USP53: variants seen among roughly 807,000 people sequenced by gnomAD.
USP53 encodes the protein ubiquitin carboxyl-terminal hydrolase 53.
USP53 carries 71 observed loss-of-function variants against 94.9 expected under a neutral mutation model. That is an observed-to-expected ratio of 0.75 (90% CI 0.62 to 0.91). The LOEUF (loss-of-function observed/expected upper bound fraction) is 0.91, where lower values mean the gene tolerates loss of function less well. Ranked by LOEUF, USP53 falls within the 40% of genes least tolerant of loss-of-function variation. The pLI is 0.00. For synonymous variants in USP53, 375 were observed against 422.7 expected (o/e 0.89, Z 1.39); for missense variants, 1,173 against 1,281.0 (o/e 0.92, Z 1.29).
At chr4:119,272,622 G>C (rs1752013726) in intron 16 of USP53, 1 of 152,394 alleles carries the variant, frequency 6.6e-6, no homozygotes, top group Admixed American at 6.5e-5. Flanking sequence ...GGCTACTCTT[G>C]AACTCCCAAC....
chr4:119,269,424 G>A (rs1751571854), intron 14 of USP53, among the ~76,000 whole-genome samples: 1 of 152,056 alleles, frequency 6.6e-6, no homozygotes, highest in South Asian at 2.1e-4. Flanking sequence ...GTTACCTTTA[G>A]CTCTTATTAT....
At position 119,256,112 on chromosome 4, in the gene USP53, G is replaced by A. The variant is rs1749733670; in HGVS notation, c.373-134G>A. 6.5e-6 allele frequency: 4 copies of A among 611,082 alleles called. No homozygotes were observed. In the East Asian group the frequency reaches 8.5e-5, roughly 13 times the overall value. 37.9% of individuals were successfully genotyped at this position (611,082 alleles called of 1,614,324 possible). A position where few individuals can be genotyped will look rare whatever the true frequency, so the allele number is the denominator to read the frequency against. ...ATTCGATCAAAGTGTTGATTAGAGA[G>A]GAAAGCTGAAAAGCTAACAATATGT... On this transcript the variant is annotated intron_variant, in intron 7 of 18. Transcript: ENST00000692078.
intron 7 of USP53, among the ~76,000 whole-genome samples, chr4:119,251,445 G>A (rs527576970): frequency 6.6e-6 from 1 of 152,190 alleles, no homozygotes; most frequent in South Asian, 2.1e-4. Context: ...GGGTCAAATG[G>A]TATTTCCAGT....
At position 119,271,442 on chromosome 4, in the gene USP53, T is replaced by G; in HGVS notation, c.1582T>G (p.Ser528Ala). 1 of 1,613,934 alleles carries G rather than the reference T, an allele frequency of 6.2e-7. No individual in the cohort carries two copies. Among genetic ancestry groups the G allele is most frequent in the South Asian group, 1.1e-5 (1 of 91,002 alleles). ...CCGAGTTGTACCTCAGAGTCGAGCT[T>G]CTGCACAAATAATAAGTTCAAGTAA... is the stretch of plus-strand genomic sequence containing the variant. ...HDRVVPQSRASAQIISSSKSQ... is the reference protein window; with the variant it reads ...HDRVVPQSRAAAQIISSSKSQ... The change falls in exon 16 of 19, where the codon TCT becomes GCT. Residue 528 changes from serine to alanine, a missense_variant. Ser to Ala is a moderately conservative substitution (Grantham distance 99, BLOSUM62 1). Coordinates refer to ENST00000692078, the MANE Select transcript of USP53 (RefSeq NM_001371395.1).
chr4:119,292,299 A>G (rs1411287742), intron 18 of USP53, 39 bp from the exon 19 acceptor site: 1 of 1,513,696 alleles, frequency 6.6e-7, no homozygotes, highest in Non-Finnish European at 8.8e-7. Flanking sequence ...ATATATTTGC[A>G]TAGGGTGTTC....
At chr4:119,236,629 G>A (rs778786917) in intron 4 of USP53, among the ~76,000 whole-genome samples, 2 of 152,188 alleles carry the variant, frequency 1.3e-5, no homozygotes, top group African/African-American at 2.4e-5. Flanking sequence ...TTCATCTCAA[G>A]AAACCACTTT....
At chr4:119,229,413 CCTT>C (rs1457474476) in intron 3 of USP53, among the ~76,000 whole-genome samples, 1 of 152,124 alleles carries the variant, frequency 6.6e-6, no homozygotes, top group Non-Finnish European at 1.5e-5. Flanking sequence ...CCCAGGATTA[CCTT>C]TTGAATCTAA....
rs767583609 is a variant in USP53 at position 119,259,849 on chromosome 4, A to G, written c.599A>G (p.His200Arg). 2.5e-6 allele frequency: 4 copies of G among 1,612,356 alleles called. No homozygotes were observed. Among genetic ancestry groups the G allele is most frequent in the African/African-American group, 1.3e-5 (1 of 74,876 alleles). The change falls in exon 10 of 19, where the codon CAT becomes CGT. Residue 200 changes from histidine (H) to arginine (R), a missense_variant. Transcript: ENST00000692078. ...GAGGTTGAAAGAATGTTGGAAAGGC[A>G]TGAACGCTTTAAACCTGAAATGTTT... ...CNEVERMLER[H>R]ERFKPEMFAE...
chr4:119,228,361 C>T (rs1745599403), intron 3 of USP53, among the ~76,000 whole-genome samples: 1 of 152,202 alleles, frequency 6.6e-6, no homozygotes, highest in South Asian at 2.1e-4. Context: ...TCAAGTCTTT[C>T]TCATGCTTCA....
At chr4:119,245,523 A>G (rs2149341491) in intron 6 of USP53, 94 bp downstream of exon 6, 3 of 1,017,604 alleles carry the variant, frequency 2.9e-6, no homozygotes, top group Non-Finnish European at 4.6e-6. Flanking sequence ...ACTAAAGTTC[A>G]CTGTCAGGTG....
At chr4:119,227,268 C>T (rs908683117) in intron 3 of USP53, among the ~76,000 whole-genome samples, 1 of 148,522 alleles carries the variant, frequency 6.7e-6, no homozygotes, top group African/African-American at 2.5e-5. Context: ...CACACACACA[C>T]ACACACACAC....
intron 1 of USP53, chr4:119,213,139 G>C (rs923515231): frequency 6.5e-6 from 1 of 153,328 alleles, no homozygotes; most frequent in Non-Finnish European, 1.5e-5. Flanking sequence ...GAGGCGGGAG[G>C]AGGTGCTGTA....
chr4:119,269,930 TAAA>T (rs1751637882), intron 15 of USP53, 93 bp downstream of exon 15: 5 of 596,896 alleles, frequency 8.4e-6, no homozygotes, highest in Non-Finnish European at 1.1e-5. Context: ...CTGTATATGT[TAAA>T]TAATATATAT....
At chr4:119,286,042 AGATT>A (rs1425793930) in intron 17 of USP53, among the ~76,000 whole-genome samples, 4 of 151,906 alleles carry the variant, frequency 2.6e-5, no homozygotes, top group African/African-American at 9.7e-5. Flanking sequence ...CAGATAGTAT[AGATT>A]ATTACTACAT....
At chr4:119,250,870 G>C (rs1417256271) in intron 7 of USP53, among the ~76,000 whole-genome samples, 1 of 150,200 alleles carries the variant, frequency 6.7e-6, no homozygotes, top group East Asian at 2.0e-4. Flanking sequence ...TTGTTTTGCT[G>C]TTATTTATAC....
chr4:119,277,962 C>T (rs1578553464), intron 17 of USP53, among the ~76,000 whole-genome samples: 1 of 134,412 alleles, frequency 7.4e-6, no homozygotes, highest in South Asian at 2.7e-4. Context: ...GGTAGATCTT[C>T]CTCCATCCTT....
Position 119,245,398 on chromosome 4 carries a change from AG to A in USP53, c.209del (p.Gly70GlufsTer9), listed in dbSNP as rs1354174062. The A allele has an allele frequency of 7.4e-6, 12 of 1,613,894 alleles. No individual in the cohort carries two copies. Among genetic ancestry groups the A allele is most frequent in the Non-Finnish European group, 1.0e-5 (12 of 1,179,884 alleles). ...SLRVLTGHVC[Q>X]GDACIFCALK... ...CGGGTTTTGACTGGACATGTTTGTCAGGGAGATGCCTGTATATTTTGTGCAT... is the reference window on the plus strand; with the variant it reads ...CGGGTTTTGACTGGACATGTTTGTCAGGAGATGCCTGTATATTTTGTGCAT... On this transcript the variant is annotated frameshift_variant, in exon 6 of 19. Transcript: ENST00000692078. LOFTEE classifies it high-confidence loss of function.
In USP53 at chr4:119,256,659, T is replaced by G. The variant is rs973220035; in HGVS notation, c.569+136T>G. On this transcript the variant is annotated intron_variant, in intron 9 of 18. Transcript: ENST00000692078. ...GGCTACCAAGTATGCTGCTGTGAGA[T>G]GTATTAAGTGATGTCTATCAAAGTT... 3.4e-6 allele frequency: 3 copies of G among 877,256 alleles called. No homozygotes were observed. The African/African-American group carries it at 5.1e-5, about 15-fold the overall frequency. 54.3% of individuals were successfully genotyped at this position (877,256 alleles called of 1,614,324 possible).
At chr4:119,239,158 A>C (rs984889099) in intron 4 of USP53, 60 bp from the exon 5 acceptor site, 4 of 152,076 alleles carry the variant, frequency 2.6e-5, no homozygotes, top group Admixed American at 2.6e-4. Flanking sequence ...TCAAATGGTA[A>C]AGTTAAGAAT....
Sources: gnomAD v4.1 joint callset for allele counts (sites outside exome capture counted in the v4.1 genomes callset) on GRCh38, gnomAD v4.1.1 for gene constraint, MANE v1.5 for transcripts, NCBI Gene and HGNC (gene_info 2026-07-23, HGNC 2026-07-21) for gene names.